GNA13: variants seen among roughly 807,000 people sequenced by gnomAD.
The protein encoded by GNA13 is G protein subunit alpha 13.
Under a neutral mutation model 33.5 loss-of-function variants are expected in GNA13, and 4 were observed. The observed-to-expected ratio is 0.12, with a 90% confidence interval of 0.06 to 0.27. The LOEUF (loss-of-function observed/expected upper bound fraction) is 0.27, where lower values mean the gene tolerates loss of function less well. Ranked by LOEUF, GNA13 falls within the 10% of genes least tolerant of loss-of-function variation. The probability of loss-of-function intolerance (pLI) is 1.00; values close to 1 mark genes in which losing one functional copy is unlikely to be tolerated. For missense variants in GNA13, 319 were observed against 487.2 expected, an observed-to-expected ratio of 0.65 and a Z score of 3.25; for synonymous variants, 176 against 183.8, an observed-to-expected ratio of 0.96 and a Z score of 0.34.
intron 2 of GNA13, among the ~76,000 whole-genome samples, chr17:65,037,345 T>C (rs1212337572): frequency 1.3e-5 from 2 of 152,130 alleles, no homozygotes; most frequent in Admixed American, 6.5e-5. Flanking sequence ...CTGAATCTTC[T>C]CCACTTCCTC....
Position 65,023,967 on chromosome 17 carries a change from C to G in GNA13, c.511-5664G>C, listed in dbSNP as rs1906681765. Among the ~76,000 whole-genome samples the G allele has an allele frequency of 3.3e-5, 5 of 152,292 alleles. No individual in the cohort carries two copies. The South Asian group carries it at 1.0e-3, about 32-fold the overall frequency. Reference sequence around the variant, plus strand: ...GACTATGCTCAATAAAAATCATATGCTATGGCTGGCACGGTGGCTCACACT... The same window carrying G: ...GACTATGCTCAATAAAAATCATATGGTATGGCTGGCACGGTGGCTCACACT... On this transcript the variant is annotated intron_variant, in intron 2 of 3. Coordinates refer to ENST00000439174, the MANE Select transcript of GNA13 (RefSeq NM_006572.6).
intron 2 of GNA13, among the ~76,000 whole-genome samples, chr17:65,026,834 A>G (rs1906802856): frequency 6.6e-6 from 1 of 152,270 alleles, no homozygotes; most frequent in South Asian, 2.1e-4. Context: ...GCTGGGGTGC[A>G]ATGGCAGGAT....
chr17:65,035,012 C>T lies in GNA13; in HGVS notation c.511-16709G>A, dbSNP rs149536752. Among the ~76,000 whole-genome samples, 401 of 152,158 alleles carry T rather than the reference C, an allele frequency of 2.6e-3. 1 individual carries two copies. Among genetic ancestry groups the T allele is most frequent in the African/African-American group, 9.2e-3 (384 of 41,522 alleles). On this transcript the variant is annotated intron_variant, in intron 2 of 3. Transcript: ENST00000439174. ...GTTTGTCAGGCTGGTCTTGAACGCCCGACCTCAGGTGATCCACCCGCCTTG... is the reference window on the plus strand; with the variant it reads ...GTTTGTCAGGCTGGTCTTGAACGCCTGACCTCAGGTGATCCACCCGCCTTG...
chr17:65,047,835 A>C (rs565530385), intron 2 of GNA13, among the ~76,000 whole-genome samples: 1 of 152,148 alleles, frequency 6.6e-6, no homozygotes. Flanking sequence ...TAAATAAATA[A>C]AAAAAATTAG....
chr17:65,028,082 C>A (rs949389901), intron 2 of GNA13, among the ~76,000 whole-genome samples: 4 of 152,120 alleles, frequency 2.6e-5, no homozygotes, highest in African/African-American at 9.7e-5. Flanking sequence ...AAAAATCAGC[C>A]GGGCGCGGTG....
At chr17:65,035,603 AACCACTTTCCT>A (rs746656025) in intron 2 of GNA13, among the ~76,000 whole-genome samples, 66 of 152,216 alleles carry the variant, frequency 4.3e-4, no homozygotes, top group Admixed American at 2.6e-3. Context: ...TGAACAGACA[AACCACTTTCCT>A]ACTCTTCAGT....
rs955791294 is a variant in GNA13 at position 65,013,537 on chromosome 17, C to T, written c.*720G>A. ...TGAGAAAGGCAAATTCTATTTCACT[C>T]GTTACGTTTGACCAAAACACGGTAA... On this transcript the variant is annotated 3_prime_UTR_variant, in exon 4 of 4. Coordinates refer to ENST00000439174, the MANE Select transcript of GNA13 (RefSeq NM_006572.6). 4 of 216,996 alleles carry T rather than the reference C, an allele frequency of 1.8e-5. No homozygotes were observed. The highest frequency in any genetic ancestry group is 6.7e-5 in the African/African-American group (3 of 44,448). The allele number at this position is 216,996 out of a possible 1,614,324, so 13.4% of individuals were successfully genotyped here. A position where few individuals can be genotyped will look rare whatever the true frequency, so the allele number is the denominator to read the frequency against.
chr17:65,014,496 T>C lies in GNA13; in HGVS notation c.895A>G (p.Lys299Glu). The change falls in exon 4 of 4, where the codon AAG (lysine) becomes GAG (glutamate). Residue 299 changes from lysine to glutamate, a missense_variant. Physicochemically the swap from Lys to Glu is moderately conservative, Grantham distance 56. Around this residue, in one of 4 missense-constraint regions of GNA13, gnomAD observed 134 missense variants for 241.3 expected, o/e 0.56. Transcript: ENST00000439174. This position sits in a 1 kb window ranked among gnomAD's most constrained non-coding sequence, Gnocchi z 5.3. ...TCTTTGATGCTCACAATTTGCACCT[T>C]CTCCTCAAGCAAGTCTGTCTTGTTT... ...FLNKTDLLEEKVQIVSIKDYF... is the reference protein window; with the variant it reads ...FLNKTDLLEEEVQIVSIKDYF... 6.2e-7 allele frequency: 1 copy of C among 1,613,684 alleles called. No homozygotes were observed. Among genetic ancestry groups the C allele is most frequent in the Non-Finnish European group, 8.5e-7 (1 of 1,179,638 alleles).
Position 65,014,954 on chromosome 17 carries a change from T to G in GNA13, c.562-125A>C, listed in dbSNP as rs536528246. On this transcript the variant is annotated intron_variant, in intron 3 of 3. Transcript: ENST00000439174. The surrounding 1 kb of genome is among the most constrained non-coding windows in gnomAD (Gnocchi z 5.3). Reference sequence around the variant, plus strand: ...TGATCTTTTAAGTGACATTTTCAGATAGATTATGCTTATTATAAAATGCCA... The same window carrying G: ...TGATCTTTTAAGTGACATTTTCAGAGAGATTATGCTTATTATAAAATGCCA... 7.9e-6 allele frequency: 5 copies of G among 631,344 alleles called. No homozygotes were observed. In the East Asian group the frequency reaches 1.4e-4, roughly 17 times the overall value. 39.1% of individuals were successfully genotyped at this position (631,344 alleles called of 1,614,324 possible).
At chr17:65,025,813 T>G (rs1906758339) in intron 2 of GNA13, among the ~76,000 whole-genome samples, 1 of 29,892 alleles carries the variant, frequency 3.3e-5, no homozygotes, top group Admixed American at 4.2e-4. Context: ...AGATCCCATC[T>G]CTACAAAAAA....
intron 2 of GNA13, among the ~76,000 whole-genome samples, chr17:65,034,872 G>A (rs912137579): frequency 4.6e-5 from 7 of 151,912 alleles, no homozygotes; most frequent in East Asian, 1.9e-4. Context: ...TGAAACCTCC[G>A]CCTCCCTGGT....
chr17:65,056,272 C>A (rs762807540), intron 1 of GNA13, 39 bp downstream of exon 1: 1 of 1,416,074 alleles, frequency 7.1e-7, no homozygotes, highest in Non-Finnish European at 9.7e-7. Context: ...CCCCAGCCCC[C>A]CTGCCCTTAA....
chr17:65,022,055 T>C (rs1906600566), intron 2 of GNA13, among the ~76,000 whole-genome samples: 1 of 152,196 alleles, frequency 6.6e-6, no homozygotes, highest in Admixed American at 6.5e-5. Context: ...CCACAAACTA[T>C]ATAGCCTGAA....
intron 2 of GNA13, among the ~76,000 whole-genome samples, chr17:65,027,954 T>G (rs7212507): frequency 6.6e-6 from 1 of 151,610 alleles, no homozygotes; most frequent in Non-Finnish European, 1.5e-5. Context: ...AGTACAAACA[T>G]TAGGCTGGGC....
chr17:65,017,797 C>T (rs1053344954), intron 3 of GNA13, among the ~76,000 whole-genome samples: 1 of 152,180 alleles, frequency 6.6e-6, no homozygotes, highest in Non-Finnish European at 1.5e-5. Flanking sequence ...AGTCAACCCA[C>T]TGTGTTCTAT....
At chr17:65,048,214 A>G (rs952854562) in intron 2 of GNA13, among the ~76,000 whole-genome samples, 5 of 152,176 alleles carry the variant, frequency 3.3e-5, no homozygotes, top group African/African-American at 1.2e-4. Flanking sequence ...TTATTTCTCA[A>G]TAAGTGAATA....
rs955717882 is a variant in GNA13 at position 65,011,478 on chromosome 17, C to A, written c.*2779G>T. The A allele has an allele frequency of 2.0e-5, 4 of 198,930 alleles. No homozygotes were observed. Among genetic ancestry groups the A allele is most frequent in the Non-Finnish European group, 4.2e-5 (4 of 96,128 alleles). The allele number at this position is 198,930 out of a possible 1,614,324, so 12.3% of individuals were successfully genotyped here. A position where few individuals can be genotyped will look rare whatever the true frequency, so the allele number is the denominator to read the frequency against. ...CAGGTTATTAAAAATATTAAAGGGG[C>A]AGAGGCATGCTTTGAATTACTCAGA... On this transcript the variant is annotated 3_prime_UTR_variant, in exon 4 of 4. Transcript: ENST00000439174.
chr17:65,044,935 C>T lies in GNA13; in HGVS notation c.510+8567G>A, dbSNP rs566596372. Among the ~76,000 whole-genome samples, 25 of 149,100 alleles carry T rather than the reference C, an allele frequency of 1.7e-4. No homozygotes were observed. The South Asian group carries it at 5.4e-3, about 32-fold the overall frequency. ...GCCCATACCTGTAATCCCAGGTACT[C>T]GGGAGGCTGAGGCAGGAGAACTGGC... is the stretch of plus-strand genomic sequence containing the variant. On this transcript the variant is annotated intron_variant, in intron 2 of 3. Transcript: ENST00000439174.
intron 2 of GNA13, among the ~76,000 whole-genome samples, chr17:65,032,247 TAA>T (rs917906441): frequency 2.0e-5 from 3 of 152,170 alleles, no homozygotes; most frequent in Non-Finnish European, 4.4e-5. Flanking sequence ...ATATGGCTAG[TAA>T]AAAGACAGAA....
Sources: gnomAD v4.1 joint callset for allele counts (sites outside exome capture counted in the v4.1 genomes callset) on GRCh38, gnomAD v4.1.1 for gene constraint, gnomAD v4.1.1 regional missense constraint, Gnocchi (gnomAD v3.1) non-coding constraint, MANE v1.5 for transcripts, NCBI Gene and HGNC (gene_info 2026-07-23, HGNC 2026-07-21) for gene names.